Variants in CNST observed in about 807,000 individuals in gnomAD.
CNST encodes consortin.
A neutral mutation model predicts 72.4 loss-of-function variants in CNST; 39 were observed. The ratio of observed to expected loss-of-function variants is 0.54; its 90% CI spans 0.42 to 0.70. CNST has a LOEUF of 0.70. Ranked by LOEUF, CNST falls within the 30% of genes least tolerant of loss-of-function variation. The pLI is 0.00. For synonymous variants in CNST, 332 were observed against 320.1 expected (o/e 1.04, Z -0.40); for missense variants, 871 against 868.5 (o/e 1.00, Z -0.04).
intron 2 of CNST, among the ~76,000 whole-genome samples, chr1:246,604,238 C>T (rs139268359): frequency 0.013 from 1,912 of 150,654 alleles, 16 homozygotes; most frequent in Middle Eastern, 0.027. Flanking sequence ...TGGGCGAAGA[C>T]GCAAGACTCC....
intron 2 of CNST, among the ~76,000 whole-genome samples, chr1:246,604,426 T>G (rs1662545223): frequency 6.6e-6 from 1 of 152,180 alleles, no homozygotes; most frequent in African/African-American, 2.4e-5. Flanking sequence ...TGTGCGTTTG[T>G]TTTGATCTAT....
At chr1:246,629,728 A>AT (rs1430245723) in intron 3 of CNST, among the ~76,000 whole-genome samples, 2 of 151,686 alleles carry the variant, frequency 1.3e-5, no homozygotes, top group East Asian at 1.9e-4. Flanking sequence ...TGTACTTGAA[A>AT]TTTTTTTTTC....
At chr1:246,582,970 A>C (rs915642935) in intron 1 of CNST, among the ~76,000 whole-genome samples, 1 of 152,324 alleles carries the variant, frequency 6.6e-6, no homozygotes, top group Non-Finnish European at 1.5e-5. Flanking sequence ...TGAGAAACGC[A>C]GGGACCTCCC....
chr1:246,609,059 G>A (rs1663122982), intron 2 of CNST, among the ~76,000 whole-genome samples: 1 of 152,180 alleles, frequency 6.6e-6, no homozygotes. Context: ...GCAGGCAGAG[G>A]GTGCAACCCG....
At chr1:246,599,277 A>G (rs539026872) in intron 2 of CNST, among the ~76,000 whole-genome samples, 1 of 152,190 alleles carries the variant, frequency 6.6e-6, no homozygotes, top group Non-Finnish European at 1.5e-5. Context: ...TAAACACACG[A>G]CAACACAAAT....
chr1:246,652,775 C>T (rs112582203), intron 9 of CNST, among the ~76,000 whole-genome samples: 38 of 147,928 alleles, frequency 2.6e-4, no homozygotes, highest in East Asian at 8.0e-4. Flanking sequence ...GAGGCCAAGG[C>T]GGGCGGATCA....
At position 246,666,178 on chromosome 1, in the gene CNST, T is replaced by G; in HGVS notation, c.*273T>G. ...CTCACTGCCTCCTAATGTCATGAGG[T>G]ACACTGAGCAGAATTAAACAGGGTA... On this transcript the variant is annotated 3_prime_UTR_variant, in exon 11 of 11. Coordinates refer to ENST00000366513, the MANE Select transcript of CNST (RefSeq NM_152609.3). The G allele has an allele frequency of 2.6e-6, 1 of 388,510 alleles. No homozygotes were observed. The allele number at this position is 388,510 out of a possible 1,614,324, so 24.1% of individuals were successfully genotyped here. A position where few individuals can be genotyped will look rare whatever the true frequency, so the allele number is the denominator to read the frequency against.
chr1:246,665,617 T>C, intron 10 of CNST, 83 bp from the exon 11 acceptor site: 2 of 1,121,596 alleles, frequency 1.8e-6, no homozygotes, highest in Non-Finnish European at 2.7e-6. Flanking sequence ...AAATGTGTAG[T>C]TATCTTAATT....
At chr1:246,624,905 T>C (rs3124079) in intron 3 of CNST, among the ~76,000 whole-genome samples, 74,337 of 152,064 alleles carry the variant, frequency 0.49, 18,965 homozygotes, top group Non-Finnish European at 0.56. Context: ...CCACCCGCCT[T>C]GACCTCCCAA....
intron 9 of CNST, among the ~76,000 whole-genome samples, chr1:246,658,180 A>G (rs901348233): frequency 1.3e-5 from 2 of 152,248 alleles, no homozygotes; most frequent in African/African-American, 2.4e-5. Context: ...AATTAAAAGA[A>G]TATCAATGAT....
intron 1 of CNST, among the ~76,000 whole-genome samples, chr1:246,579,576 C>T (rs1660655940): frequency 6.6e-6 from 1 of 152,104 alleles, no homozygotes; most frequent in African/African-American, 2.4e-5. Flanking sequence ...CAAGACCAGC[C>T]CAGGAAACAT....
chr1:246,595,237 A>T (rs979103385), intron 2 of CNST, among the ~76,000 whole-genome samples: 5 of 152,176 alleles, frequency 3.3e-5, no homozygotes, highest in Non-Finnish European at 7.3e-5. Flanking sequence ...GAAGAGACCT[A>T]GAATGGGAAG....
At chr1:246,574,284 G>A (rs1324968456) in intron 1 of CNST, among the ~76,000 whole-genome samples, 1 of 152,116 alleles carries the variant, frequency 6.6e-6, no homozygotes, top group African/African-American at 2.4e-5. Context: ...CTTGTGATCC[G>A]CCCGCCTCGG....
At chr1:246,611,814 A>G (rs551065891) in intron 2 of CNST, among the ~76,000 whole-genome samples, 1 of 152,344 alleles carries the variant, frequency 6.6e-6, no homozygotes, top group South Asian at 2.1e-4. Context: ...AGTAGCAAAA[A>G]GGTAGAAACA....
chr1:246,570,939 TGTTATGTAACCTTTCCA>T (rs1290249961), intron 1 of CNST, among the ~76,000 whole-genome samples: 45 of 152,232 alleles, frequency 3.0e-4, no homozygotes, highest in Non-Finnish European at 2.5e-4. Flanking sequence ...GTCTTGATAC[TGTTATGTAACCTTTCCA>T]GTTTAGGGCC....
chr1:246,648,405 A>G (rs993083365), intron 9 of CNST, among the ~76,000 whole-genome samples: 5 of 152,210 alleles, frequency 3.3e-5, no homozygotes, highest in African/African-American at 1.2e-4. Flanking sequence ...CATCTAGCAG[A>G]TAAAATATGA....
At chr1:246,650,508 T>C (rs1346614213) in intron 9 of CNST, among the ~76,000 whole-genome samples, 3 of 152,162 alleles carry the variant, frequency 2.0e-5, no homozygotes, top group African/African-American at 7.2e-5. Context: ...GTTTTTAAAG[T>C]TTCAATGCTA....
At chr1:246,654,254 G>C (rs183260718) in intron 9 of CNST, among the ~76,000 whole-genome samples, 1 of 152,256 alleles carries the variant, frequency 6.6e-6, no homozygotes, top group South Asian at 2.1e-4. Context: ...ATGTCGTCAC[G>C]TTTGCTCTTT....
At chr1:246,659,743 T>C (rs1351332375) in intron 9 of CNST, among the ~76,000 whole-genome samples, 2 of 152,222 alleles carry the variant, frequency 1.3e-5, no homozygotes, top group African/African-American at 4.8e-5. Context: ...GCTTGGTATC[T>C]AAATATATTT....
Sources: gnomAD v4.1 joint callset for allele counts (sites outside exome capture counted in the v4.1 genomes callset) on GRCh38, gnomAD v4.1.1 for gene constraint, MANE v1.5 for transcripts, NCBI Gene and HGNC (gene_info 2026-07-23, HGNC 2026-07-21) for gene names.